The following LRRTM4 variants were observed in gnomAD, a reference collection of about 807,000 sequenced individuals.
The protein encoded by LRRTM4 is leucine-rich repeat transmembrane neuronal protein 4.
In LRRTM4, 25 loss-of-function variants were observed where a neutral mutation model predicts 47.6. That is an observed-to-expected ratio of 0.53 (90% CI 0.38 to 0.73). LRRTM4 has a LOEUF of 0.73. Ranked by LOEUF, LRRTM4 falls within the 30% of genes least tolerant of loss-of-function variation. LRRTM4 has a pLI of 0.00. For missense variants in LRRTM4, 638 were observed against 713.4 expected, an observed-to-expected ratio of 0.89 and a Z score of 1.20; for synonymous variants, 311 against 269.5, an observed-to-expected ratio of 1.15 and a Z score of -1.51.
At chr2:77,273,390 T>A (rs1229360743) in intron 3 of LRRTM4, among the ~76,000 whole-genome samples, 4 of 152,196 alleles carry the variant, frequency 2.6e-5, no homozygotes, top group Non-Finnish European at 4.4e-5. Context: ...ATTACCTTAA[T>A]TTTTAATCAC....
At chr2:77,267,530 G>A (rs1676079809) in intron 3 of LRRTM4, among the ~76,000 whole-genome samples, 1 of 152,134 alleles carries the variant, frequency 6.6e-6, no homozygotes, top group African/African-American at 2.4e-5. Flanking sequence ...TGAGGGCACA[G>A]CCCTCATGAC....
chr2:76,984,977 T>A (rs774697743), intron 3 of LRRTM4, among the ~76,000 whole-genome samples: 8 of 151,988 alleles, frequency 5.3e-5, no homozygotes, highest in Non-Finnish European at 7.4e-5. Context: ...TTGGGGAAAA[T>A]CAGAGGATAG....
intron 3 of LRRTM4, among the ~76,000 whole-genome samples, chr2:76,795,805 G>A (rs1372185949): frequency 2.0e-5 from 3 of 151,928 alleles, no homozygotes; most frequent in Non-Finnish European, 4.4e-5. Flanking sequence ...GAAAAGTGAA[G>A]GGAGGAGCCA....
chr2:77,054,264 T>A (rs1187446502), intron 3 of LRRTM4, among the ~76,000 whole-genome samples: 1 of 151,544 alleles, frequency 6.6e-6, no homozygotes, highest in African/African-American at 2.4e-5. Context: ...AGTAATGGTT[T>A]CCAGCAAACT....
At chr2:76,908,965 C>A (rs188189253) in intron 3 of LRRTM4, among the ~76,000 whole-genome samples, 13 of 152,182 alleles carry the variant, frequency 8.5e-5, no homozygotes, top group African/African-American at 1.2e-4. Flanking sequence ...GCTACCAATG[C>A]CTTTCTTCAC....
At chr2:77,108,754 T>G (rs1311504939) in intron 3 of LRRTM4, among the ~76,000 whole-genome samples, 2 of 152,020 alleles carry the variant, frequency 1.3e-5, no homozygotes, top group African/African-American at 2.4e-5. Context: ...CGGCTAATTT[T>G]TTGTATTTTT....
Position 76,748,577 on chromosome 2 carries a change from T to C in LRRTM4, c.*118A>G, listed in dbSNP as rs1672725340. 6.2e-6 allele frequency: 5 copies of C among 811,420 alleles called. No homozygotes were observed. Among genetic ancestry groups the C allele is most frequent in the Non-Finnish European group, 9.8e-6 (5 of 508,346 alleles). 50.3% of individuals were successfully genotyped at this position (811,420 alleles called of 1,614,324 possible). On this transcript the variant is annotated 3_prime_UTR_variant, in exon 4 of 4. Transcript: ENST00000409884. ...CTTTTTCTTTTCTCTATGCCATAAA[T>C]GTTTTAACAGGAACGATGAGCTTGC...
intron 3 of LRRTM4, among the ~76,000 whole-genome samples, chr2:77,500,173 G>A (rs1471224790): frequency 6.6e-6 from 1 of 151,620 alleles, no homozygotes; most frequent in African/African-American, 2.4e-5. Context: ...CATGTTCTTG[G>A]ACCAAATCAC....
chr2:77,123,195 T>G (rs892475163), intron 3 of LRRTM4, among the ~76,000 whole-genome samples: 2 of 144,216 alleles, frequency 1.4e-5, no homozygotes, highest in Non-Finnish European at 3.0e-5. Context: ...AGTTCCTTTG[T>G]GTTCAGCTTC....
intron 3 of LRRTM4, among the ~76,000 whole-genome samples, chr2:77,216,096 C>T (rs543333491): frequency 9.7e-6 from 1 of 103,358 alleles, no homozygotes; most frequent in Non-Finnish European, 1.6e-5. Context: ...ACTGCCCCCC[C>T]ACCCAGCAAT....
intron 3 of LRRTM4, among the ~76,000 whole-genome samples, chr2:77,084,919 T>G (rs572519666): frequency 6.6e-5 from 10 of 152,298 alleles, no homozygotes; most frequent in Middle Eastern, 6.8e-3. Flanking sequence ...TTTATGCATA[T>G]GTACATATAC....
chr2:77,251,966 A>G (rs1279575473), intron 3 of LRRTM4, among the ~76,000 whole-genome samples: 3 of 152,194 alleles, frequency 2.0e-5, no homozygotes, highest in Non-Finnish European at 4.4e-5. Context: ...CAGAAGCATG[A>G]ATATGTTAAT....
chr2:77,014,285 T>G (rs1408377260), intron 3 of LRRTM4, among the ~76,000 whole-genome samples: 2 of 152,084 alleles, frequency 1.3e-5, no homozygotes, highest in Non-Finnish European at 2.9e-5. Flanking sequence ...CACATACATA[T>G]TAGAATATAG....
intron 3 of LRRTM4, among the ~76,000 whole-genome samples, chr2:76,857,897 A>G (rs922856808): frequency 3.3e-5 from 5 of 152,172 alleles, no homozygotes; most frequent in African/African-American, 1.2e-4. Context: ...GAATAAAATG[A>G]AGAAAATATG....
chr2:76,976,087 A>C (rs1239082710), intron 3 of LRRTM4, among the ~76,000 whole-genome samples: 1 of 151,736 alleles, frequency 6.6e-6, no homozygotes, highest in Non-Finnish European at 1.5e-5. Flanking sequence ...GTTTGTGTGC[A>C]TTTTATGGGT....
chr2:76,759,894 CTTGT>C (rs1673190152), intron 3 of LRRTM4, among the ~76,000 whole-genome samples: 1 of 152,024 alleles, frequency 6.6e-6, no homozygotes. Context: ...GTTTCAATTC[CTTGT>C]TTATTTTCTT....
At chr2:77,008,514 G>A (rs1328865154) in intron 3 of LRRTM4, among the ~76,000 whole-genome samples, 1 of 152,100 alleles carries the variant, frequency 6.6e-6, no homozygotes, top group African/African-American at 2.4e-5. Context: ...TTTGAATAAG[G>A]TTGCTGGCAT....
rs188997870 is a variant in LRRTM4, at chr2:77,474,653, T to A, written c.1551+43665A>T. Among the ~76,000 whole-genome samples the A allele has an allele frequency of 3.8e-3, 572 of 152,266 alleles. 3 individuals carry two copies. The highest frequency in any genetic ancestry group is 0.013 in the African/African-American group (560 of 41,584). Reference sequence around the variant, plus strand: ...AAATTATAAATCTTTCATTGATTTTTAGATTTCTTCTTTGTACTTTATAAT... The same window carrying A: ...AAATTATAAATCTTTCATTGATTTTAAGATTTCTTCTTTGTACTTTATAAT... On this transcript the variant is annotated intron_variant, in intron 3 of 3. Coordinates refer to ENST00000409884, the MANE Select transcript of LRRTM4 (RefSeq NM_001134745.3).
intron 3 of LRRTM4, among the ~76,000 whole-genome samples, chr2:77,487,093 CAA>C (rs1490022466): frequency 6.6e-6 from 1 of 152,164 alleles, no homozygotes; most frequent in Non-Finnish European, 1.5e-5. Flanking sequence ...GCAGCTGCTG[CAA>C]AGACACCGGC....
Sources: gnomAD v4.1 joint callset for allele counts (sites outside exome capture counted in the v4.1 genomes callset) on GRCh38, gnomAD v4.1.1 for gene constraint, MANE v1.5 for transcripts, NCBI Gene and HGNC (gene_info 2026-07-23, HGNC 2026-07-21) for gene names.